The following FRMD4A variants were observed in gnomAD, a reference collection of about 807,000 sequenced individuals.
The protein encoded by FRMD4A is FERM domain-containing protein 4A.
In FRMD4A, 29 loss-of-function variants were observed where a neutral mutation model predicts 129.1. The ratio of observed to expected loss-of-function variants is 0.22; its 90% CI spans 0.17 to 0.31. The LOEUF (loss-of-function observed/expected upper bound fraction) is 0.31. Ranked by LOEUF, FRMD4A falls within the 10% of genes least tolerant of loss-of-function variation. The pLI is 1.00. For missense variants in FRMD4A, 1,272 were observed against 1,375.8 expected (o/e 0.92, Z 1.19); for synonymous variants, 634 against 571.6 (o/e 1.11, Z -1.56).
intron 2 of FRMD4A, among the ~76,000 whole-genome samples, chr10:14,188,320 G>C (rs1409873430): frequency 6.6e-6 from 1 of 152,060 alleles, no homozygotes; most frequent in Admixed American, 6.5e-5. Flanking sequence ...TCTCAGACTT[G>C]AATGCTTCCC....
intron 2 of FRMD4A, among the ~76,000 whole-genome samples, chr10:13,937,900 A>AT (rs1226108979): frequency 6.6e-6 from 1 of 152,098 alleles, no homozygotes; most frequent in Non-Finnish European, 1.5e-5. Flanking sequence ...CAATTCTTGC[A>AT]TTTTTTCTAT....
chr10:14,176,004 G>C (rs1442169837), intron 2 of FRMD4A, among the ~76,000 whole-genome samples: 1 of 152,096 alleles, frequency 6.6e-6, no homozygotes. Flanking sequence ...CATTTCTGGG[G>C]GACTCTGGAC....
At chr10:13,892,721 G>A (rs1048680216) in intron 2 of FRMD4A, among the ~76,000 whole-genome samples, 1 of 152,024 alleles carries the variant, frequency 6.6e-6, no homozygotes, top group Admixed American at 6.6e-5. Context: ...CACTCTTCAG[G>A]GGAGAGACTG....
At chr10:13,891,712 G>A (rs1333267284) in intron 2 of FRMD4A, 39 of 984,720 alleles carry the variant, frequency 4.0e-5, no homozygotes, top group Non-Finnish European at 4.5e-5. Flanking sequence ...TCGCCCGGGC[G>A]AAGGCCCTTG....
rs199916809 is a variant in FRMD4A, at chr10:13,898,958, G to A, written c.46-40046C>T. Among the ~76,000 whole-genome samples, 47 of 152,266 alleles carry A rather than the reference G, an allele frequency of 3.1e-4. No homozygotes were observed. The East Asian group carries it at 8.7e-3, about 28-fold the overall frequency. ...AGCTCTCTGGAGGGCCGAGGTGGGA[G>A]GATCACTTGAGGCTAGGAATTTGAG... On this transcript the variant is annotated intron_variant, in intron 2 of 24. Coordinates refer to ENST00000357447, the MANE Select transcript of FRMD4A (RefSeq NM_018027.5).
chr10:14,174,402 A>C (rs1841623469), intron 2 of FRMD4A, among the ~76,000 whole-genome samples: 6 of 152,208 alleles, frequency 3.9e-5, no homozygotes, highest in Admixed American at 1.3e-4. Flanking sequence ...TGAACCAAGA[A>C]CAGTGATCTG....
chr10:14,097,662 T>C (rs1837049835), intron 2 of FRMD4A, among the ~76,000 whole-genome samples: 1 of 151,784 alleles, frequency 6.6e-6, no homozygotes, highest in Admixed American at 6.6e-5. Flanking sequence ...GTTTTATATA[T>C]ACTAGTTAGT....
At chr10:13,910,472 T>A (rs2094929340) in intron 2 of FRMD4A, among the ~76,000 whole-genome samples, 1 of 152,224 alleles carries the variant, frequency 6.6e-6, no homozygotes, top group South Asian at 2.1e-4. Context: ...TACCAACATA[T>A]GCAATCATGA....
intron 2 of FRMD4A, among the ~76,000 whole-genome samples, chr10:13,887,693 T>C (rs1881594): frequency 1.3e-5 from 2 of 152,212 alleles, no homozygotes; most frequent in Admixed American, 1.3e-4. Context: ...AAAACAAACA[T>C]AACTGAACGC....
At chr10:14,062,516 G>C (rs951213988) in intron 2 of FRMD4A, among the ~76,000 whole-genome samples, 1 of 152,168 alleles carries the variant, frequency 6.6e-6, no homozygotes, top group Non-Finnish European at 1.5e-5. Context: ...TGGTGAAACC[G>C]ACTCTAAGAA....
At chr10:13,674,531 C>A (rs535400808) in intron 16 of FRMD4A, among the ~76,000 whole-genome samples, 8 of 152,262 alleles carry the variant, frequency 5.3e-5, no homozygotes, top group Non-Finnish European at 1.2e-4. Context: ...CAAGGCTTTC[C>A]AAATAATTAA....
In FRMD4A at chr10:13,664,729, C is replaced by G. The variant is rs151285130; in HGVS notation, c.1604-1220G>C. Reference sequence around the variant, plus strand: ...ATTTTTTTTTTTTTCAGAGATGAGTCTTGCTATATTGCCCAGACTGGCACG... The same window carrying G: ...ATTTTTTTTTTTTTCAGAGATGAGTGTTGCTATATTGCCCAGACTGGCACG... On this transcript the variant is annotated intron_variant, in intron 18 of 24. Transcript: ENST00000357447. Among the ~76,000 whole-genome samples, 29 of 149,678 alleles carry G rather than the reference C, an allele frequency of 1.9e-4. No individual in the cohort carries two copies. The East Asian group carries it at 5.5e-3, about 28-fold the overall frequency.
chr10:13,900,763 G>T lies in FRMD4A; in HGVS notation c.46-41851C>A, dbSNP rs564342595. Reference sequence around the variant, plus strand: ...AATACAAAAATTAGCCAGGCGTGTTGGCAGGTGCCTGTAATCCCAGCTACT... The same window carrying T: ...AATACAAAAATTAGCCAGGCGTGTTTGCAGGTGCCTGTAATCCCAGCTACT... On this transcript the variant is annotated intron_variant, in intron 2 of 24. Coordinates refer to ENST00000357447, the MANE Select transcript of FRMD4A (RefSeq NM_018027.5). 9.4e-3 allele frequency among the ~76,000 whole-genome samples: 1,427 copies of T among 152,176 alleles called. 13 individuals are homozygous for T. The highest frequency in any genetic ancestry group is 0.027 in the South Asian group (130 of 4,810).
At chr10:14,039,796 A>C (rs568630387) in intron 2 of FRMD4A, among the ~76,000 whole-genome samples, 1 of 148,318 alleles carries the variant, frequency 6.7e-6, no homozygotes, top group African/African-American at 2.6e-5. Context: ...CTGATTGATA[A>C]CACCAAGCTG....
intron 10 of FRMD4A, 54 bp downstream of exon 10, chr10:13,740,458 T>TA: frequency 1.9e-6 from 2 of 1,034,668 alleles, no homozygotes; most frequent in Non-Finnish European, 3.0e-6. Context: ...TGACATACGA[T>TA]ATATTAACAC....
At chr10:14,186,092 G>T (rs1043521002) in intron 2 of FRMD4A, among the ~76,000 whole-genome samples, 1 of 149,438 alleles carries the variant, frequency 6.7e-6, no homozygotes, top group African/African-American at 2.5e-5. Context: ...AAGAGACAAA[G>T]ACACCAATGA....
intron 2 of FRMD4A, among the ~76,000 whole-genome samples, chr10:13,896,086 TC>T (rs1431690863): frequency 3.9e-5 from 6 of 152,202 alleles, no homozygotes; most frequent in African/African-American, 1.4e-4. Context: ...GTAAATTAGT[TC>T]AACCATTGTG....
chr10:14,235,156 TC>T (rs1564406421), intron 2 of FRMD4A, among the ~76,000 whole-genome samples: 1 of 24,824 alleles, frequency 4.0e-5, no homozygotes, highest in Admixed American at 7.8e-4. Flanking sequence ...ACCTAAGCTG[TC>T]TTTTTTTTTT....
At chr10:13,931,979 A>C (rs75469981) in intron 2 of FRMD4A, among the ~76,000 whole-genome samples, 3,351 of 131,880 alleles carry the variant, frequency 0.025, 56 homozygotes, top group Middle Eastern at 0.061. Context: ...ACCAACCAAC[A>C]AACCAACCAA....
Sources: allele counts gnomAD v4.1 joint callset (sites outside exome capture counted in the v4.1 genomes callset), GRCh38; gene constraint gnomAD v4.1.1; transcripts MANE v1.5; gene names NCBI Gene and HGNC (gene_info 2026-07-23, HGNC 2026-07-21).